Variants in FOXP4 observed in about 807,000 individuals in gnomAD.
The protein encoded by FOXP4 is forkhead box P4.
In FOXP4, 25 loss-of-function variants were observed where a neutral mutation model predicts 82.6. The observed-to-expected ratio is 0.30, with a 90% CI of 0.22 to 0.42. The LOEUF is 0.42. Among genes scored for constraint, FOXP4 ranks in the 10% least tolerant of loss-of-function variants. The pLI is 1.00. For missense variants in FOXP4, 785 were observed against 900.9 expected, an observed-to-expected ratio of 0.87 and a Z score of 1.65; for synonymous variants, 415 against 388.2, an observed-to-expected ratio of 1.07 and a Z score of -0.81.
At chr6:41,586,399 G>A (rs1168512518) in intron 5 of FOXP4, among the ~76,000 whole-genome samples, 1 of 152,168 alleles carries the variant, frequency 6.6e-6, no homozygotes, top group Non-Finnish European at 1.5e-5. Context: ...GTCAGTGCCT[G>A]TGTGAAGAAC....
intron 13 of FOXP4, among the ~76,000 whole-genome samples, chr6:41,592,491 G>A (rs1348718730): frequency 1.3e-5 from 2 of 152,162 alleles, no homozygotes; most frequent in East Asian, 3.8e-4. Context: ...GCTTGCTTGG[G>A]ACCACCTGGT....
chr6:41,599,245 C>T lies in FOXP4; in HGVS notation c.*309C>T, dbSNP rs1430899299. The T allele has an allele frequency of 5.0e-5, 12 of 241,994 alleles. No homozygotes were observed. The highest frequency in any genetic ancestry group is 8.8e-5 in the Non-Finnish European group (11 of 124,378). The allele number at this position is 241,994 out of a possible 1,614,324, so 15.0% of individuals were successfully genotyped here. A position where few individuals can be genotyped will look rare whatever the true frequency, so the allele number is the denominator to read the frequency against. The stretch of plus-strand genomic sequence containing the variant: ...CCACCAGCAGCAGCAGGGCCCTCCT[C>T]CCCCACCAGCTCTCCCCACAGGGCC... On this transcript the variant is annotated 3_prime_UTR_variant, in exon 17 of 17. Transcript: ENST00000307972.
At position 41,597,257 on chromosome 6, in the gene FOXP4, G is replaced by C; in HGVS notation, c.1725+15G>C. 6.2e-7 allele frequency: 1 copy of C among 1,613,754 alleles called. No individual in the cohort carries two copies. Among genetic ancestry groups the C allele is most frequent in the Non-Finnish European group, 8.5e-7 (1 of 1,179,868 alleles). Reference sequence around the variant, plus strand: ...CCAGCTACCAGGTGACCTGCCCAGAGCCCACCCACTCACCTCTACCTCCCG... The same window carrying C: ...CCAGCTACCAGGTGACCTGCCCAGACCCCACCCACTCACCTCTACCTCCCG... On this transcript the variant is annotated intron_variant, in intron 15 of 16. Coordinates refer to ENST00000307972, the MANE Select transcript of FOXP4 (RefSeq NM_001012426.2).
At position 41,597,126 on chromosome 6, in the gene FOXP4, G is replaced by A. The variant is rs767366369; in HGVS notation, c.1659-50G>A. 16 of 1,583,180 alleles carry A rather than the reference G, an allele frequency of 1.0e-5. 1 individual carries two copies. The South Asian group carries it at 1.7e-4, about 16-fold the overall frequency. Reference sequence around the variant, plus strand: ...TTAGTGAGAGTAAAGAGATGCGAATGAAGAGCTAAGTGAATGAGTGAGCCA... The same window carrying A: ...TTAGTGAGAGTAAAGAGATGCGAATAAAGAGCTAAGTGAATGAGTGAGCCA... On this transcript the variant is annotated intron_variant, in intron 14 of 16. Transcript: ENST00000307972.
chr6:41,575,925 A>G (rs1180246337), intron 2 of FOXP4, among the ~76,000 whole-genome samples: 1 of 150,670 alleles, frequency 6.6e-6, no homozygotes, highest in Non-Finnish European at 1.5e-5. Context: ...ACCCTACTCT[A>G]CCTCCACCTT....
At chr6:41,597,334 AC>A in intron 15 of FOXP4, 92 bp downstream of exon 15, 3 of 1,351,810 alleles carry the variant, frequency 2.2e-6, no homozygotes, top group Non-Finnish European at 2.1e-6. Flanking sequence ...CAGAGGACTC[AC>A]CAGAGGAGGG....
intron 1 of FOXP4, among the ~76,000 whole-genome samples, chr6:41,563,860 A>T (rs527794852): frequency 1.8e-3 from 280 of 152,272 alleles, no homozygotes; most frequent in African/African-American, 6.0e-3. Context: ...GGACCCACAG[A>T]TAGGGAGGGC....
chr6:41,597,174 A>G lies in FOXP4; in HGVS notation c.1659-2A>G. On this transcript the variant is annotated splice_acceptor_variant, in intron 14 of 16. Transcript: ENST00000307972. LOFTEE classifies it high-confidence loss of function. ...CCAAAGATGGCCTTCTCTGTCCTCCAGGAGCCCCACCCTGGTGAAGAACAT... is the reference window on the plus strand; with the variant it reads ...CCAAAGATGGCCTTCTCTGTCCTCCGGGAGCCCCACCCTGGTGAAGAACAT... 6.2e-7 allele frequency: 1 copy of G among 1,614,186 alleles called. No homozygotes were observed. Among genetic ancestry groups the G allele is most frequent in the Non-Finnish European group, 8.5e-7 (1 of 1,180,030 alleles).
chr6:41,558,205 C>G lies in FOXP4; in HGVS notation c.-16-7540C>G, dbSNP rs1300669850. Reference sequence around the variant, plus strand: ...AGCCTACTCTCGAACTCACAGAGCCCCATGTGTTTGGGGAGAGAAACTGCT... The same window carrying G: ...AGCCTACTCTCGAACTCACAGAGCCGCATGTGTTTGGGGAGAGAAACTGCT... On this transcript the variant is annotated intron_variant, in intron 1 of 16. Coordinates refer to ENST00000307972, the MANE Select transcript of FOXP4 (RefSeq NM_001012426.2). The surrounding 1 kb of genome is among the most constrained non-coding windows in gnomAD (Gnocchi z 4.0). Among the ~76,000 whole-genome samples the G allele has an allele frequency of 6.6e-6, 1 of 152,270 alleles. No individual in the cohort carries two copies. The highest frequency in any genetic ancestry group is 1.9e-4 in the East Asian group (1 of 5,180).
intron 2 of FOXP4, among the ~76,000 whole-genome samples, chr6:41,567,128 C>G (rs571200448): frequency 2.0e-4 from 30 of 152,358 alleles, no homozygotes; most frequent in Non-Finnish European, 3.8e-4. Context: ...ATGGAAGAAA[C>G]CTGGTTTAAG....
At chr6:41,590,647 A>G (rs1465034510) in intron 12 of FOXP4, among the ~76,000 whole-genome samples, 2 of 151,696 alleles carry the variant, frequency 1.3e-5, no homozygotes, top group Non-Finnish European at 2.9e-5. Flanking sequence ...ACTCAGGGTC[A>G]CTCTTCGTCT....
At chr6:41,569,956 A>T (rs970188651) in intron 2 of FOXP4, among the ~76,000 whole-genome samples, 12 of 151,910 alleles carry the variant, frequency 7.9e-5, no homozygotes, top group African/African-American at 2.9e-4. Context: ...GAGAAGAAGA[A>T]TGGGAGAGAT....
chr6:41,575,694 G>A (rs2127370490), intron 2 of FOXP4, among the ~76,000 whole-genome samples: 1 of 151,926 alleles, frequency 6.6e-6, no homozygotes, highest in South Asian at 2.1e-4. Flanking sequence ...CAACTCCCCT[G>A]GCCACCCCCC....
intron 1 of FOXP4, among the ~76,000 whole-genome samples, chr6:41,560,567 AGC>A (rs1368021265): frequency 6.6e-6 from 1 of 152,022 alleles, no homozygotes; most frequent in Non-Finnish European, 1.5e-5. Context: ...CGCGCCCAGG[AGC>A]GCGCTGGGGG....
intron 13 of FOXP4, among the ~76,000 whole-genome samples, chr6:41,594,489 A>G (rs888107958): frequency 6.6e-6 from 1 of 152,220 alleles, no homozygotes; most frequent in African/African-American, 2.4e-5. Flanking sequence ...CGGGGCCCGA[A>G]TGTGATCTGC....
rs889943244 is a variant in FOXP4 at position 41,591,628 on chromosome 6, A to T, written c.1536+306A>T. Among the ~76,000 whole-genome samples the T allele has an allele frequency of 6.6e-6, 1 of 152,080 alleles. No homozygotes were observed. Among genetic ancestry groups the T allele is most frequent in the Non-Finnish European group, 1.5e-5 (1 of 68,000 alleles). On this transcript the variant is annotated intron_variant, in intron 13 of 16. Transcript: ENST00000307972. This position sits in a 1 kb window ranked among gnomAD's most constrained non-coding sequence, Gnocchi z 4.2. ...GCCCCACGAGGTAGGGCCTCTAGGA[A>T]TTGCTAATGCCCAAGCTTGATACAG...
intron 1 of FOXP4, among the ~76,000 whole-genome samples, chr6:41,565,411 C>T (rs1764817033): frequency 6.6e-6 from 1 of 152,158 alleles, no homozygotes. Flanking sequence ...TTCTTCATGT[C>T]ATTATTATAA....
In FOXP4 at chr6:41,551,909, G is replaced by A. The variant is rs939195123; in HGVS notation, c.-17+5042G>A. On this transcript the variant is annotated intron_variant, in intron 1 of 16. Coordinates refer to ENST00000307972, the MANE Select transcript of FOXP4 (RefSeq NM_001012426.2). Reference sequence around the variant, plus strand: ...AGCAGGAGGGACCCGGAGAAGGGGTGGCTCACATGCAACTTGGAAAATCAG... The same window carrying A: ...AGCAGGAGGGACCCGGAGAAGGGGTAGCTCACATGCAACTTGGAAAATCAG... Among the ~76,000 whole-genome samples the A allele has an allele frequency of 2.8e-4, 43 of 152,270 alleles. 2 individuals are homozygous for A. The highest frequency in any genetic ancestry group is 1.7e-3 in the South Asian group (8 of 4,828).
At position 41,593,225 on chromosome 6, in the gene FOXP4, G is replaced by A. The variant is rs1766617151; in HGVS notation, c.1537-1645G>A. 1.3e-5 allele frequency among the ~76,000 whole-genome samples: 2 copies of A among 152,206 alleles called. No homozygotes were observed. Among genetic ancestry groups the A allele is most frequent in the Admixed American group, 6.5e-5 (1 of 15,290 alleles). Reference sequence around the variant, plus strand: ...CTCAGGTCATCTCTGCTCCTCTCCCGAATTATTTGTGCTTTCTTCTTTCCC... The same window carrying A: ...CTCAGGTCATCTCTGCTCCTCTCCCAAATTATTTGTGCTTTCTTCTTTCCC... On this transcript the variant is annotated intron_variant, in intron 13 of 16. Transcript: ENST00000307972. This position sits in a 1 kb window ranked among gnomAD's most constrained non-coding sequence, Gnocchi z 4.1.
Sources: gnomAD v4.1 joint callset for allele counts (sites outside exome capture counted in the v4.1 genomes callset) on GRCh38, gnomAD v4.1.1 for gene constraint, Gnocchi (gnomAD v3.1) non-coding constraint, MANE v1.5 for transcripts, NCBI Gene and HGNC (gene_info 2026-07-23, HGNC 2026-07-21) for gene names.